DPYD: variants seen among roughly 807,000 people sequenced by gnomAD.
The protein encoded by DPYD is dihydropyrimidine dehydrogenase [NADP(+)].
In DPYD, 109 loss-of-function variants were observed where a neutral mutation model predicts 116.2. The observed-to-expected ratio is 0.94, with a 90% CI of 0.80 to 1.10. The LOEUF is 1.10. DPYD is among the 50% of genes least tolerant of loss of function. The pLI, the probability that DPYD is intolerant of heterozygous loss-of-function variation, is 0.00. For synonymous variants in DPYD, 440 were observed against 432.0 expected (o/e 1.02, Z -0.23); for missense variants, 1,302 against 1,254.5 (o/e 1.04, Z -0.57).
chr1:97,666,027 G>A (rs1274721192), intron 8 of DPYD, among the ~76,000 whole-genome samples: 5 of 152,110 alleles, frequency 3.3e-5, no homozygotes, highest in Non-Finnish European at 7.4e-5. Flanking sequence ...TTTTGTATAT[G>A]TATATTTTCT....
intron 1 of DPYD, among the ~76,000 whole-genome samples, chr1:97,902,702 A>T (rs1673425553): frequency 6.6e-6 from 1 of 151,896 alleles, no homozygotes; most frequent in Non-Finnish European, 1.5e-5. Flanking sequence ...AATAAGAGGT[A>T]ATTTCATCAA....
chr1:97,270,186 T>C (rs1386282908), intron 18 of DPYD, among the ~76,000 whole-genome samples: 1 of 152,094 alleles, frequency 6.6e-6, no homozygotes, highest in African/African-American at 2.4e-5. Context: ...AGCAATAGAA[T>C]CACTAACAAT....
intron 14 of DPYD, among the ~76,000 whole-genome samples, chr1:97,441,660 T>C (rs925956135): frequency 1.3e-5 from 2 of 152,238 alleles, no homozygotes; most frequent in African/African-American, 4.8e-5. Flanking sequence ...ACTTCTAGGA[T>C]GGTTTTAATC....
intron 13 of DPYD, among the ~76,000 whole-genome samples, chr1:97,455,092 A>G (rs1356060375): frequency 6.6e-6 from 1 of 151,992 alleles, no homozygotes; most frequent in Admixed American, 6.6e-5. Context: ...ACAACTAAAA[A>G]TAATTCAAGA....
intron 19 of DPYD, among the ~76,000 whole-genome samples, chr1:97,193,821 C>T (rs2101825965): frequency 6.6e-6 from 1 of 152,218 alleles, no homozygotes; most frequent in Non-Finnish European, 1.5e-5. Flanking sequence ...TCTTTCTTTG[C>T]CTTAGGATCT....
chr1:97,565,780 C>T (rs1174573328), intron 11 of DPYD, among the ~76,000 whole-genome samples: 1 of 152,016 alleles, frequency 6.6e-6, no homozygotes, highest in African/African-American at 2.4e-5. Context: ...TGAGTAGTGC[C>T]TGGAACACAG....
chr1:97,845,354 A>T (rs1026352239), intron 2 of DPYD, among the ~76,000 whole-genome samples: 6 of 152,166 alleles, frequency 3.9e-5, no homozygotes, highest in African/African-American at 1.4e-4. Flanking sequence ...ACTCAGAGAC[A>T]TCAGGACAAC....
intron 20 of DPYD, among the ~76,000 whole-genome samples, chr1:97,108,339 G>C (rs1651331519): frequency 6.6e-6 from 1 of 152,060 alleles, no homozygotes. Context: ...TTGACTACAT[G>C]ATCTATGAGG....
intron 19 of DPYD, among the ~76,000 whole-genome samples, chr1:97,204,824 G>A (rs779639338): frequency 1.5e-4 from 23 of 152,020 alleles, no homozygotes; most frequent in Non-Finnish European, 3.1e-4. Flanking sequence ...AGGCCTCAGA[G>A]CATTAACATT....
At chr1:97,229,033 T>C (rs1026706926) in intron 19 of DPYD, among the ~76,000 whole-genome samples, 4 of 151,426 alleles carry the variant, frequency 2.6e-5, no homozygotes, top group African/African-American at 7.3e-5. Context: ...CTGTCTCTAC[T>C]AAAAATACAC....
rs1179103970 is a variant in DPYD at position 97,231,100 on chromosome 1, G to A, written c.2442+3752C>T. Among the ~76,000 whole-genome samples the A allele has an allele frequency of 3.9e-5, 6 of 152,254 alleles. No homozygotes were observed. In the East Asian group the frequency reaches 1.2e-3, roughly 29 times the overall value. ...ACCCTGAGCACACATCTACACCCAG[G>A]ACACATAACTCTCGTTTAGTTTTCT... On this transcript the variant is annotated intron_variant, in intron 19 of 22. Coordinates refer to ENST00000370192, the MANE Select transcript of DPYD (RefSeq NM_000110.4).
At chr1:97,478,056 T>G (rs1490135501) in intron 13 of DPYD, among the ~76,000 whole-genome samples, 2 of 152,150 alleles carry the variant, frequency 1.3e-5, no homozygotes, top group African/African-American at 4.8e-5. Context: ...TACTCCATGA[T>G]CCATTGGGTG....
At chr1:97,175,091 T>C (rs1420719382) in intron 20 of DPYD, among the ~76,000 whole-genome samples, 2 of 152,234 alleles carry the variant, frequency 1.3e-5, no homozygotes, top group Non-Finnish European at 2.9e-5. Flanking sequence ...GTAGAATTGT[T>C]GGGTCTTACA....
At chr1:97,593,472 T>G in intron 9 of DPYD, 85 bp from the exon 10 acceptor site, 1 of 1,512,742 alleles carries the variant, frequency 6.6e-7, no homozygotes, top group Admixed American at 1.7e-5. Context: ...CTCAAAGCAG[T>G]GTAAAATTGC....
At chr1:97,318,586 C>T (rs1289923484) in intron 16 of DPYD, among the ~76,000 whole-genome samples, 3 of 151,808 alleles carry the variant, frequency 2.0e-5, no homozygotes, top group Admixed American at 6.6e-5. Flanking sequence ...TAAAGCAAGT[C>T]CTGAGTGACC....
chr1:97,815,484 G>T (rs893434712), intron 3 of DPYD, among the ~76,000 whole-genome samples: 1 of 152,158 alleles, frequency 6.6e-6, no homozygotes, highest in Non-Finnish European at 1.5e-5. Context: ...AGTAACTTAA[G>T]CCTAGGAGGA....
intron 13 of DPYD, among the ~76,000 whole-genome samples, chr1:97,514,440 G>T (rs1648050678): frequency 6.6e-6 from 1 of 151,750 alleles, no homozygotes; most frequent in Admixed American, 6.6e-5. Context: ...AATATAGTCA[G>T]TATATGCTAT....
intron 19 of DPYD, among the ~76,000 whole-genome samples, chr1:97,218,542 C>G (rs1265725860): frequency 6.6e-6 from 1 of 150,746 alleles, no homozygotes; most frequent in Non-Finnish European, 1.5e-5. Flanking sequence ...CCTCCCTTTT[C>G]CTCTTTTCTG....
chr1:97,316,704 C>T (rs146446940), intron 16 of DPYD, among the ~76,000 whole-genome samples: 36 of 151,712 alleles, frequency 2.4e-4, no homozygotes, highest in East Asian at 5.9e-4. Context: ...TCTCCCTTTC[C>T]GCTATCTGTA....
Sources: gnomAD v4.1 joint callset for allele counts (sites outside exome capture counted in the v4.1 genomes callset) on GRCh38, gnomAD v4.1.1 for gene constraint, MANE v1.5 for transcripts, NCBI Gene and HGNC (gene_info 2026-07-23, HGNC 2026-07-21) for gene names.